GPSM2: variants seen among roughly 807,000 people sequenced by gnomAD.
GPSM2 encodes G protein signaling modulator 2.
A neutral mutation model predicts 78.4 loss-of-function variants in GPSM2; 58 were observed. The ratio of observed to expected loss-of-function variants is 0.74; its 90% confidence interval spans 0.60 to 0.92. The LOEUF is 0.92. GPSM2 is among the 40% of genes least tolerant of loss of function. The probability of loss-of-function intolerance (pLI) is 0.00; values close to 1 mark genes in which losing one functional copy is unlikely to be tolerated. For synonymous variants in GPSM2, 224 were observed against 280.2 expected (o/e 0.80, Z 2.00); for missense variants, 700 against 815.5 (o/e 0.86, Z 1.73).
rs1355810428 is a variant in GPSM2 at position 108,918,805 on chromosome 1, GTTT to G, written c.1440+19_1440+21del. On this transcript the variant is annotated intron_variant, in intron 12 of 14. Transcript: ENST00000264126. ...TTCTCAGAGGGTACGTTTAAACTAAGTTTTTGAGTATTGTGTTTTGAGTACCGA... is the reference window on the plus strand; with the variant it reads ...TTCTCAGAGGGTACGTTTAAACTAAGTTGAGTATTGTGTTTTGAGTACCGA... 2 of 1,582,384 alleles carry G rather than the reference GTTT, an allele frequency of 1.3e-6. No homozygotes were observed.
At position 108,885,513 on chromosome 1, in the gene GPSM2, A is replaced by G. The variant is rs1423875616; in HGVS notation, c.-10A>G. The G allele has an allele frequency of 2.0e-6, 3 of 1,466,798 alleles. No individual in the cohort carries two copies. Among genetic ancestry groups the G allele is most frequent in the Non-Finnish European group, 1.9e-6 (2 of 1,046,258 alleles). 90.9% of individuals were successfully genotyped at this position (1,466,798 alleles called of 1,614,324 possible). ...ATAATTTTATTTTATTCAGCTTATA[A>G]TATGACTCGATGGAGGAAAATTTGA... On this transcript the variant is annotated 5_prime_UTR_variant, in exon 2 of 15. Coordinates refer to ENST00000264126, the MANE Select transcript of GPSM2 (RefSeq NM_013296.5).
intron 7 of GPSM2, 53 bp from the exon 8 acceptor site, chr1:108,901,737 T>C: frequency 7.1e-7 from 1 of 1,411,286 alleles, no homozygotes; most frequent in Non-Finnish European, 1.0e-6. Flanking sequence ...TTTGTGATTC[T>C]TAAAGCCCAA....
intron 2 of GPSM2, 27 bp downstream of exon 2, chr1:108,885,605 G>C (rs1160010658): frequency 7.4e-7 from 1 of 1,356,542 alleles, no homozygotes; most frequent in Non-Finnish European, 1.1e-6. Context: ...CTTAATGGAT[G>C]ACTTTTAATC....
rs1652415335 is a variant in GPSM2 at position 108,933,854 on chromosome 1, A to G, written c.*3914A>G. The G allele has an allele frequency of 1.3e-5, 2 of 152,194 alleles. No homozygotes were observed. Among genetic ancestry groups the G allele is most frequent in the African/African-American group, 4.8e-5 (2 of 41,444 alleles). 9.4% of individuals were successfully genotyped at this position (152,194 alleles called of 1,614,324 possible). A position where few individuals can be genotyped will look rare whatever the true frequency, so the allele number is the denominator to read the frequency against. The stretch of plus-strand genomic sequence containing the variant: ...AGATCTCTAAAAATGCAAACTTCCT[A>G]TGGACAAGACAATATGATTTGCTAT... On this transcript the variant is annotated 3_prime_UTR_variant, in exon 15 of 15. Transcript: ENST00000264126.
chr1:108,896,320 A>G (rs1172113389), intron 2 of GPSM2, among the ~76,000 whole-genome samples: 1 of 152,146 alleles, frequency 6.6e-6, no homozygotes, highest in African/African-American at 2.4e-5. Flanking sequence ...TTTCTAGGGT[A>G]TAAGTGGACA....
At chr1:108,897,814 A>G (rs1026095371) in intron 4 of GPSM2, 145 bp from the exon 5 acceptor site, 2 of 938,714 alleles carry the variant, frequency 2.1e-6, no homozygotes, top group African/African-American at 3.3e-5. Context: ...GAGGTCTTTC[A>G]TAAGTAATTA....
chr1:108,915,577 C>A (rs1348497563), intron 11 of GPSM2, among the ~76,000 whole-genome samples: 3 of 151,214 alleles, frequency 2.0e-5, no homozygotes, highest in African/African-American at 7.3e-5. Context: ...CAGGCGGGCA[C>A]CACCACACCC....
chr1:108,903,028 A>C (rs1028442787), intron 8 of GPSM2, 98 bp from the exon 9 acceptor site: 1 of 740,344 alleles, frequency 1.4e-6, no homozygotes, highest in Non-Finnish European at 2.4e-6. Context: ...ATCAATCCAA[A>C]GCATTCTTTA....
intron 11 of GPSM2, among the ~76,000 whole-genome samples, chr1:108,917,108 T>A (rs1475666641): frequency 6.6e-6 from 1 of 152,220 alleles, no homozygotes; most frequent in Non-Finnish European, 1.5e-5. Flanking sequence ...ATTTTTAATT[T>A]TTCTTCTTGG....
chr1:108,910,941 A>C (rs1387917463), intron 10 of GPSM2, among the ~76,000 whole-genome samples: 1 of 152,188 alleles, frequency 6.6e-6, no homozygotes, highest in Admixed American at 6.5e-5. Flanking sequence ...GTAAAGAGAA[A>C]ATCACCCAAA....
At position 108,932,799 on chromosome 1, in the gene GPSM2, C is replaced by T. The variant is rs1409428491; in HGVS notation, c.*2859C>T. On this transcript the variant is annotated 3_prime_UTR_variant, in exon 15 of 15. Transcript: ENST00000264126. Reference sequence around the variant, plus strand: ...GTCAGGATTCATTTGTTAAACATGTCCTCTGTGTTAAAAATCCTAAAATCC... The same window carrying T: ...GTCAGGATTCATTTGTTAAACATGTTCTCTGTGTTAAAAATCCTAAAATCC... The T allele has an allele frequency of 6.6e-6, 1 of 152,150 alleles. No individual in the cohort carries two copies. The highest frequency in any genetic ancestry group is 2.4e-5 in the African/African-American group (1 of 41,416). 9.4% of individuals were successfully genotyped at this position (152,150 alleles called of 1,614,324 possible).
intron 10 of GPSM2, among the ~76,000 whole-genome samples, chr1:108,905,172 T>C (rs1649120565): frequency 6.6e-6 from 1 of 152,220 alleles, no homozygotes. Context: ...TGCTTTGTGG[T>C]TGAATGATGG....
Position 108,934,538 on chromosome 1 carries a change from A to C in GPSM2, c.*4598A>C, listed in dbSNP as rs958747146. 2.0e-6 allele frequency: 2 copies of C among 1,001,576 alleles called. No homozygotes were observed. Among genetic ancestry groups the C allele is most frequent in the South Asian group, 3.7e-5 (2 of 53,918 alleles). 62.0% of individuals were successfully genotyped at this position (1,001,576 alleles called of 1,614,324 possible). On this transcript the variant is annotated 3_prime_UTR_variant, in exon 15 of 15. Transcript: ENST00000264126. ...TTGTCAGTAAAAATGTGAATGTTGA[A>C]GTTGAAATGTGAATGTTGAAGTTGG...
rs957559316 is a variant in GPSM2, at chr1:108,922,579, A to C, written c.1600+3A>C. The C allele has an allele frequency of 6.2e-7, 1 of 1,608,984 alleles. No individual in the cohort carries two copies. Among genetic ancestry groups the C allele is most frequent in the Non-Finnish European group, 8.5e-7 (1 of 1,175,454 alleles). ...TCCCCCTAAAATGATGCTAAAAAGTAAGTCATCTCTGTTTCTCCCCCGATT... is the reference window on the plus strand; with the variant it reads ...TCCCCCTAAAATGATGCTAAAAAGTCAGTCATCTCTGTTTCTCCCCCGATT... On this transcript the variant is annotated splice_donor_region_variant and intron_variant, in intron 13 of 14. Coordinates refer to ENST00000264126, the MANE Select transcript of GPSM2 (RefSeq NM_013296.5).
chr1:108,902,513 C>T (rs757030122), intron 8 of GPSM2, among the ~76,000 whole-genome samples: 4 of 152,132 alleles, frequency 2.6e-5, no homozygotes, highest in Admixed American at 2.0e-4. Flanking sequence ...AATGAAAATC[C>T]GTTATGTCCA....
Position 108,929,674 on chromosome 1 carries a change from CT to C in GPSM2, c.1816-23del, listed in dbSNP as rs753527959. 4.4e-6 allele frequency: 7 copies of C among 1,608,278 alleles called. No homozygotes were observed. The South Asian group carries it at 7.7e-5, about 18-fold the overall frequency. On this transcript the variant is annotated intron_variant, in intron 14 of 14. Transcript: ENST00000264126. ...TGGTGCTTTCTTTCCCACAGTATGT[CT>C]TTTAATCTCTCTCATAAACTTCTAG...
At chr1:108,903,742 C>T (rs1213510545) in intron 9 of GPSM2, among the ~76,000 whole-genome samples, 1 of 152,038 alleles carries the variant, frequency 6.6e-6, no homozygotes, top group African/African-American at 2.4e-5. Context: ...GCTTAATAAA[C>T]ATTATTATTA....
At chr1:108,913,296 A>C (rs535716039) in intron 10 of GPSM2, among the ~76,000 whole-genome samples, 6 of 152,232 alleles carry the variant, frequency 3.9e-5, no homozygotes, top group Non-Finnish European at 8.8e-5. Flanking sequence ...TATCATAGCA[A>C]AAAAATTGGA....
chr1:108,885,662 T>C (rs756164430), intron 2 of GPSM2, 84 bp downstream of exon 2: 179 of 836,358 alleles, frequency 2.1e-4, no homozygotes, highest in Non-Finnish European at 3.4e-4. Flanking sequence ...CAAGTTTCAG[T>C]TGAAAATACT....
Sources: allele counts gnomAD v4.1 joint callset (sites outside exome capture counted in the v4.1 genomes callset), GRCh38; gene constraint gnomAD v4.1.1; transcripts MANE v1.5; gene names NCBI Gene and HGNC (gene_info 2026-07-23, HGNC 2026-07-21).